MYO18B: variants seen among roughly 807,000 people sequenced by gnomAD.
The protein encoded by MYO18B is myosin XVIIIB.
In MYO18B, 204 loss-of-function variants were observed where a neutral mutation model predicts 273.0. That is an observed-to-expected ratio of 0.75 (90% CI 0.67 to 0.84). MYO18B has a LOEUF of 0.84. Among genes scored for constraint, MYO18B ranks in the 40% least tolerant of loss-of-function variants. The pLI is 0.00. For missense variants in MYO18B, 3,212 were observed against 3,287.6 expected, an observed-to-expected ratio of 0.98 and a Z score of 0.56; for synonymous variants, 1,330 against 1,305.7, an observed-to-expected ratio of 1.02 and a Z score of -0.40.
chr22:25,888,779 T>C (rs2091575199), intron 25 of MYO18B, among the ~76,000 whole-genome samples: 1 of 152,176 alleles, frequency 6.6e-6, no homozygotes, highest in South Asian at 2.1e-4. Context: ...GACTTTGCAG[T>C]GCTTCCCCCA....
chr22:25,940,092 A>G (rs529837518), intron 34 of MYO18B, among the ~76,000 whole-genome samples: 1 of 152,316 alleles, frequency 6.6e-6, no homozygotes, highest in South Asian at 2.1e-4. Context: ...GTCCTACTCA[A>G]TGAACGCAAA....
Position 26,027,504 on chromosome 22 carries a change from A to G in MYO18B, c.7530A>G (p.Ser2510=). ...CCGCTCACCTGTCTGACTCGTCCTC[A>G]TCCTCCGGCTCCATCGTGTCCTTCA... ...EDPAHLSDSS[S]SSGSIVSFKS... is the part of the protein sequence containing the mutation. Residue 2510 remains serine, a synonymous_variant, in exon 43 of 44, where the codon TCA becomes TCG. Transcript: ENST00000335473. The surrounding 1 kb of genome is among the most constrained non-coding windows in gnomAD (Gnocchi z 4.1). The G allele has an allele frequency of 1.2e-6, 2 of 1,613,966 alleles. No individual in the cohort carries two copies. Among genetic ancestry groups the G allele is most frequent in the Non-Finnish European group, 1.7e-6 (2 of 1,179,886 alleles).
intron 38 of MYO18B, among the ~76,000 whole-genome samples, chr22:25,954,836 C>G (rs1365414629): frequency 6.6e-6 from 1 of 152,128 alleles, no homozygotes; most frequent in Non-Finnish European, 1.5e-5. Context: ...CTCAGCCTCC[C>G]AAGTAGCAGG....
At chr22:26,063,245 A>G in the MYO18B span, among the ~76,000 whole-genome samples, 5 of 152,216 alleles carry the variant, frequency 3.3e-5, no homozygotes, top group Non-Finnish European at 5.9e-5. Context: ...TCATTCAGAA[A>G]TTACTCATGT....
intron 36 of MYO18B, among the ~76,000 whole-genome samples, chr22:25,949,824 A>G (rs948784749): frequency 6.6e-6 from 1 of 152,242 alleles, no homozygotes; most frequent in African/African-American, 2.4e-5. Context: ...TCTACCCTCT[A>G]GAATTCCTCT....
intron 15 of MYO18B, among the ~76,000 whole-genome samples, chr22:25,832,695 G>A (rs1225588997): frequency 6.6e-6 from 1 of 152,118 alleles, no homozygotes; most frequent in African/African-American, 2.4e-5. Context: ...GTGGTGATGG[G>A]TGCACAACAA....
In MYO18B at chr22:25,903,771, C is replaced by A; in HGVS notation, c.5088C>A (p.Ser1696Arg). The change falls in exon 31 of 44, where the codon AGC becomes AGA. Residue 1696 changes from serine to arginine, a missense_variant. Transcript: ENST00000335473. Reference sequence around the variant, plus strand: ...AGAGGCTCTGGAAGTTGGAATCCAGCGCCCTTGAGCAACAGAAAATCCAGA... The same window carrying A: ...AGAGGCTCTGGAAGTTGGAATCCAGAGCCCTTGAGCAACAGAAAATCCAGA... The part of the protein sequence containing the change: ...LKERLWKLES[S>R]ALEQQKIQSQ... 6.2e-7 allele frequency: 1 copy of A among 1,603,460 alleles called. No homozygotes were observed. The highest frequency in any genetic ancestry group is 8.5e-7 in the Non-Finnish European group (1 of 1,175,098).
chr22:25,997,932 AACACACACACAC>A (rs3070628), intron 40 of MYO18B, among the ~76,000 whole-genome samples: 1 of 144,666 alleles, frequency 6.9e-6, no homozygotes, highest in East Asian at 2.0e-4. Flanking sequence ...CCAGGAGAGA[AACACACACACAC>A]ACACACACAC....
Position 25,883,169 on chromosome 22 carries a change from C to T in MYO18B, c.4314+5121C>T, listed in dbSNP as rs1394624643. On this transcript the variant is annotated intron_variant, in intron 25 of 43. Coordinates refer to ENST00000335473, the MANE Select transcript of MYO18B (RefSeq NM_032608.7). The surrounding 1 kb of genome is among the most constrained non-coding windows in gnomAD (Gnocchi z 7.6). ...CTGCCTTGGCCTCCCAGAGTGCTGG[C>T]GTGAACCATTGCACCAGACCTGTAA... Among the ~76,000 whole-genome samples, 3 of 152,126 alleles carry T rather than the reference C, an allele frequency of 2.0e-5. No individual in the cohort carries two copies. Among genetic ancestry groups the T allele is most frequent in the Non-Finnish European group, 4.4e-5 (3 of 68,018 alleles).
intron 39 of MYO18B, among the ~76,000 whole-genome samples, chr22:25,960,985 TGAAAGA>T (rs2092912231): frequency 2.0e-5 from 3 of 150,710 alleles, no homozygotes; most frequent in African/African-American, 7.3e-5. Flanking sequence ...CCCATCTCTA[TGAAAGA>T]GAAAGAGAGA....
intron 12 of MYO18B, among the ~76,000 whole-genome samples, chr22:25,802,958 TTTTC>T (rs1281613916): frequency 7.0e-6 from 1 of 143,494 alleles, no homozygotes. Flanking sequence ...CTGCTTTCTT[TTTTC>T]TTTCTTTTTT....
the MYO18B span, among the ~76,000 whole-genome samples, chr22:26,047,672 A>G: frequency 6.6e-6 from 1 of 152,242 alleles, no homozygotes; most frequent in African/African-American, 2.4e-5. Flanking sequence ...CAAAGACATG[A>G]TATAAAAAAT....
chr22:25,791,097 T>C (rs1180815590), intron 11 of MYO18B, among the ~76,000 whole-genome samples: 1 of 152,228 alleles, frequency 6.6e-6, no homozygotes, highest in East Asian at 1.9e-4. Context: ...ACCCATCAAG[T>C]GACTCACTTT....
intron 1 of MYO18B, among the ~76,000 whole-genome samples, chr22:25,758,173 C>T (rs1365614813): frequency 6.6e-6 from 1 of 152,128 alleles, no homozygotes; most frequent in African/African-American, 2.4e-5. Context: ...GCCACCACAC[C>T]AGGCTAATAT....
the MYO18B span, among the ~76,000 whole-genome samples, chr22:26,041,537 T>A: frequency 6.6e-5 from 10 of 151,668 alleles, no homozygotes; most frequent in African/African-American, 2.2e-4. Flanking sequence ...ATCTCAAAAA[T>A]AATAATAATA....
intron 1 of MYO18B, among the ~76,000 whole-genome samples, chr22:25,749,834 T>C (rs1163509416): frequency 6.6e-6 from 1 of 152,206 alleles, no homozygotes; most frequent in Admixed American, 6.5e-5. Context: ...AAAAACTGTT[T>C]ACCAAAGTAG....
chr22:25,833,052 A>C, intron 16 of MYO18B, 55 bp downstream of exon 16: 1 of 1,511,022 alleles, frequency 6.6e-7, no homozygotes, highest in Non-Finnish European at 9.2e-7. Context: ...CCATATTGAA[A>C]TGCTGGTGGA....
At chr22:25,760,411 C>CAAAAAAAAAAAAAAAAAAAAAACAAAAA (rs2086267002) in intron 1 of MYO18B, among the ~76,000 whole-genome samples, 1 of 61,104 alleles carries the variant, frequency 1.6e-5, no homozygotes. Flanking sequence ...GACTCCATCT[C>CAAAAAAAAAAAAAAAAAAAAAACAAAAA]AAAAAAAAAA....
intron 38 of MYO18B, among the ~76,000 whole-genome samples, chr22:25,953,102 A>C (rs2092811337): frequency 6.6e-6 from 1 of 152,168 alleles, no homozygotes. Context: ...TAAGACTTGG[A>C]TGGGCTGGGG....
Sources: allele counts gnomAD v4.1 joint callset (sites outside exome capture counted in the v4.1 genomes callset), GRCh38; gene constraint gnomAD v4.1.1; non-coding constraint Gnocchi (gnomAD v3.1); transcripts MANE v1.5; gene names NCBI Gene and HGNC (gene_info 2026-07-23, HGNC 2026-07-21).